Variants in CDCA5 observed in about 807,000 individuals in gnomAD.
CDCA5 encodes cell division cycle associated 5.
Under a neutral mutation model 25.7 loss-of-function variants are expected in CDCA5, and 14 were observed. The ratio of observed to expected loss-of-function variants is 0.54; its 90% confidence interval spans 0.36 to 0.85. CDCA5 has a LOEUF of 0.85. Ranked by LOEUF, CDCA5 falls within the 40% of genes least tolerant of loss-of-function variation. The probability of loss-of-function intolerance (pLI) is 0.01; values close to 1 mark genes in which losing one functional copy is unlikely to be tolerated. For synonymous variants in CDCA5, 127 were observed against 128.7 expected (o/e 0.99, Z 0.09); for missense variants, 307 against 324.5 (o/e 0.95, Z 0.41).
At chr11:65,072,326 G>T (rs3862382) in intron 1 of CDCA5, among the ~76,000 whole-genome samples, 1 of 152,200 alleles carries the variant, frequency 6.6e-6, no homozygotes, top group Non-Finnish European at 1.5e-5. Flanking sequence ...GAACCACCAG[G>T]CCTGAGCCAA....
At chr11:65,076,272 G>A (rs910067109), downstream of CDCA5, among the ~76,000 whole-genome samples, 3 of 135,198 alleles carry the variant, frequency 2.2e-5, no homozygotes, top group African/African-American at 8.3e-5. Flanking sequence ...GTGCCACCAC[G>A]CCCATTTATT....
Position 65,079,716 on chromosome 11 carries a change from T to G in CDCA5, c.315A>C (p.Thr105=). 1 of 1,542,334 alleles carries G rather than the reference T, an allele frequency of 6.5e-7. No individual in the cohort carries two copies. Among genetic ancestry groups the G allele is most frequent in the Admixed American group, 2.1e-5 (1 of 46,682 alleles). The change falls in exon 5 of 6, where the codon ACA becomes ACC. Residue 105 remains threonine, a synonymous_variant. Coordinates refer to ENST00000275517, the MANE Select transcript of CDCA5 (RefSeq NM_080668.4). Reference sequence around the variant, plus strand: ...TGGTGGGGGTGGCAGGGACGCTGTGTGTCTTGAAAAGGTCCTCCTTAGTAA... The same window carrying G: ...TGGTGGGGGTGGCAGGGACGCTGTGGGTCTTGAAAAGGTCCTCCTTAGTAA... ...RELTKEDLFK[T]HSVPATPTST...
At position 65,078,643 on chromosome 11, in the gene CDCA5, G is replaced by C. The variant is rs138178379; in HGVS notation, c.*464C>G. The C allele has an allele frequency of 7.4e-5, 73 of 990,532 alleles. No homozygotes were observed. In the African/African-American group the frequency reaches 1.2e-3, roughly 16 times the overall value. The allele number at this position is 990,532 out of a possible 1,614,324, so 61.4% of individuals were successfully genotyped here. On this transcript the variant is annotated 3_prime_UTR_variant, in exon 6 of 6. Transcript: ENST00000275517. ...CGGAACTGAAAACCTCTTTACACAG[G>C]TGGGTTCAAGAAGAAAGCCACCAAC... is the stretch of plus-strand genomic sequence containing the variant.
chr11:65,081,802 T>C (rs1206328001), intron 4 of CDCA5, among the ~76,000 whole-genome samples: 1 of 151,652 alleles, frequency 6.6e-6, no homozygotes, highest in Admixed American at 6.6e-5. Context: ...CTCATCTCTA[T>C]AAAAAAAATT....
intron 1 of CDCA5, among the ~76,000 whole-genome samples, chr11:65,069,006 A>G (rs1477458777): frequency 1.3e-5 from 2 of 152,280 alleles, no homozygotes; most frequent in African/African-American, 4.8e-5. Flanking sequence ...TTTGGAGGCC[A>G]AGGCGGGAGG....
At position 65,078,660 on chromosome 11, in the gene CDCA5, G is replaced by C. The variant is rs1288865793; in HGVS notation, c.*447C>G. 3.1e-5 allele frequency: 31 copies of C among 993,766 alleles called. No individual in the cohort carries two copies. The highest frequency in any genetic ancestry group is 3.2e-5 in the Non-Finnish European group (27 of 836,012). 61.6% of individuals were successfully genotyped at this position (993,766 alleles called of 1,614,324 possible). A position where few individuals can be genotyped will look rare whatever the true frequency, so the allele number is the denominator to read the frequency against. On this transcript the variant is annotated 3_prime_UTR_variant, in exon 6 of 6. Transcript: ENST00000275517. ...TTACACAGGTGGGTTCAAGAAGAAA[G>C]CCACCAACAGAAGGCAACTCAGGAG...
chr11:65,077,915 A>G lies in CDCA5; in HGVS notation c.*1192T>C, dbSNP rs1430313217. ...GAACTTCTAAACATCAAAAGGTACA[A>G]TGGCCAGGGGTGCGGCAGGAGAGTC... On this transcript the variant is annotated 3_prime_UTR_variant, in exon 6 of 6. Coordinates refer to ENST00000275517, the MANE Select transcript of CDCA5 (RefSeq NM_080668.4). 1.0e-6 allele frequency: 1 copy of G among 985,498 alleles called. No homozygotes were observed. The highest frequency in any genetic ancestry group is 4.7e-5 in the South Asian group (1 of 21,298). 61.0% of individuals were successfully genotyped at this position (985,498 alleles called of 1,614,324 possible). A position where few individuals can be genotyped will look rare whatever the true frequency, so the allele number is the denominator to read the frequency against.
chr11:65,083,875 A>C, intron 1 of CDCA5, 58 bp downstream of exon 1: 1 of 1,606,360 alleles, frequency 6.2e-7, no homozygotes. Flanking sequence ...GCCATCTTTC[A>C]CCGGACTGCG....
chr11:65,066,709 G>T, intron 5 of CDCA5: 1 of 1,287,256 alleles, frequency 7.8e-7, no homozygotes, highest in South Asian at 1.2e-5. Flanking sequence ...GCTCGAGGTG[G>T]GTAGCCAGCC....
At chr11:65,063,006 G>A (rs1434643884), downstream of CDCA5, among the ~76,000 whole-genome samples, 4 of 152,180 alleles carry the variant, frequency 2.6e-5, no homozygotes, top group African/African-American at 4.8e-5. Context: ...TTTGTAGATT[G>A]GAGGCAAAGC....
intron 3 of CDCA5, chr11:65,067,921 G>T: frequency 1.1e-6 from 1 of 893,984 alleles, no homozygotes; most frequent in Non-Finnish European, 1.6e-6. Context: ...AATGTTTCTG[G>T]GTGTGGGGTG....
Position 65,079,364 on chromosome 11 carries a change from G to A in CDCA5, c.667C>T (p.Pro223Ser), listed in dbSNP as rs200209838. Residue 223 changes from proline to serine, a missense_variant, in exon 5 of 6, where the codon CCA (proline) becomes TCA (serine). By Grantham distance (74) the Pro-to-Ser change is moderately conservative. Coordinates refer to ENST00000275517, the MANE Select transcript of CDCA5 (RefSeq NM_080668.4). ...TGCCTCTCACTCACCAAGATCTCTG[G>A]CATTTTCTTCTTCTTACGTTTCTGT... is the stretch of plus-strand genomic sequence containing the variant. ...EKQKRKKKKM[P>S]EILKTELDEW... The A allele has an allele frequency of 2.1e-4, 335 of 1,614,054 alleles. No homozygotes were observed. Among genetic ancestry groups the A allele is most frequent in the Non-Finnish European group, 2.8e-4 (328 of 1,180,000 alleles).
At chr11:65,083,761 CTA>C in intron 1 of CDCA5, 38 bp from the exon 2 acceptor site, 1 of 1,594,360 alleles carries the variant, frequency 6.3e-7, no homozygotes, top group African/African-American at 1.3e-5. Context: ...GAGGAGGACT[CTA>C]GACCTTAGAG....
Position 65,071,910 on chromosome 11 carries a change from G to A in CDCA5, c.64-3309C>T, listed in dbSNP as rs116157050. Among the ~76,000 whole-genome samples the A allele has an allele frequency of 8.2e-3, 1,249 of 152,276 alleles. 17 individuals carry two copies. Among genetic ancestry groups the A allele is most frequent in the African/African-American group, 0.028 (1,162 of 41,576 alleles). The stretch of plus-strand genomic sequence containing the variant: ...TCCTGCTCTGCTGCTCATAGGTGGG[G>A]CAGCTGCAGGAAATCGGGCTCAGCC... On this transcript the variant is annotated intron_variant, in intron 1 of 6. Coordinates refer to the CDCA5 transcript ENST00000525464.
In CDCA5 at chr11:65,079,336, C is replaced by T. The variant is rs777747640; in HGVS notation, c.678+17G>A. The stretch of plus-strand genomic sequence containing the variant: ...CCCAGAGCACACGGCAGAGAAAAAC[C>T]CCTGCCTCTCACTCACCAAGATCTC... On this transcript the variant is annotated intron_variant, in intron 5 of 5. Coordinates refer to ENST00000275517, the MANE Select transcript of CDCA5 (RefSeq NM_080668.4). 3.1e-6 allele frequency: 5 copies of T among 1,613,956 alleles called. No homozygotes were observed. The highest frequency in any genetic ancestry group is 4.2e-6 in the Non-Finnish European group (5 of 1,180,018).
chr11:65,068,413 G>A lies in CDCA5; in HGVS notation c.177+75C>T, dbSNP rs544625318. ...CGACGGGGGTTCAGGCCTCCATTCA[G>A]ATACAGGAAGAATTTCTCCAGCTCT... On this transcript the variant is annotated intron_variant, in intron 2 of 6. Transcript: ENST00000525464. The A allele has an allele frequency of 8.6e-6, 8 of 931,778 alleles. No homozygotes were observed. In the African/African-American group the frequency reaches 1.4e-4, roughly 16 times the overall value. The allele number at this position is 931,778 out of a possible 1,614,324, so 57.7% of individuals were successfully genotyped here. A position where few individuals can be genotyped will look rare whatever the true frequency, so the allele number is the denominator to read the frequency against.
At chr11:65,064,750 GT>G (rs1356859478), downstream of CDCA5, among the ~76,000 whole-genome samples, 1 of 152,176 alleles carries the variant, frequency 6.6e-6, no homozygotes, top group Non-Finnish European at 1.5e-5. Context: ...TCTGGGAGCG[GT>G]AGCTAATGCC....
At chr11:65,083,451 C>G (rs768875849) in intron 3 of CDCA5, 34 bp downstream of exon 3, 4 of 1,614,078 alleles carry the variant, frequency 2.5e-6, no homozygotes, top group Non-Finnish European at 3.4e-6. Context: ...GTTTTGCCCG[C>G]CTAACCACCC....
intron 1 of CDCA5, among the ~76,000 whole-genome samples, chr11:65,071,826 G>A (rs775801611): frequency 6.6e-6 from 1 of 152,162 alleles, no homozygotes; most frequent in African/African-American, 2.4e-5. Flanking sequence ...CACCAGCCAA[G>A]CACAGACAGA....
Sources: allele counts gnomAD v4.1 joint callset (sites outside exome capture counted in the v4.1 genomes callset), GRCh38; gene constraint gnomAD v4.1.1; transcripts MANE v1.5; gene names NCBI Gene and HGNC (gene_info 2026-07-23, HGNC 2026-07-21).